The following SUSD1 variants were observed in gnomAD, a reference collection of about 807,000 sequenced individuals.
SUSD1 encodes sushi domain containing 1.
In SUSD1, 65 loss-of-function variants were observed where a neutral mutation model predicts 86.9. The ratio of observed to expected loss-of-function variants is 0.75; its 90% CI spans 0.61 to 0.92. The LOEUF is 0.92. Among genes scored for constraint, SUSD1 ranks in the 40% least tolerant of loss-of-function variants. The probability of loss-of-function intolerance (pLI) is 0.00; values close to 1 mark genes in which losing one functional copy is unlikely to be tolerated. For synonymous variants in SUSD1, 346 were observed against 350.0 expected, an observed-to-expected ratio of 0.99 and a Z score of 0.13; for missense variants, 850 against 929.7, an observed-to-expected ratio of 0.91 and a Z score of 1.11.
At chr9:112,160,039 A>G (rs535180624) in intron 1 of SUSD1, among the ~76,000 whole-genome samples, 2 of 152,214 alleles carry the variant, frequency 1.3e-5, no homozygotes, top group Admixed American at 6.5e-5. Context: ...AAAGAAAAAA[A>G]AAAGAAAACA....
chr9:112,048,185 T>C (rs1828036536), intron 15 of SUSD1, among the ~76,000 whole-genome samples: 1 of 152,166 alleles, frequency 6.6e-6, no homozygotes, highest in African/African-American at 2.4e-5. Flanking sequence ...TGTGATTAGG[T>C]CAAGCCTATC....
At chr9:112,138,368 C>T (rs954699316) in intron 5 of SUSD1, among the ~76,000 whole-genome samples, 2 of 145,846 alleles carry the variant, frequency 1.4e-5, no homozygotes, top group African/African-American at 5.1e-5. Context: ...CTAAGCTTAT[C>T]TGTATATAGG....
intron 1 of SUSD1, among the ~76,000 whole-genome samples, chr9:112,158,534 G>A (rs1833436228): frequency 6.6e-6 from 1 of 152,028 alleles, no homozygotes; most frequent in Admixed American, 6.6e-5. Flanking sequence ...TGGGACTACA[G>A]GCGCACACCA....
intron 13 of SUSD1, among the ~76,000 whole-genome samples, chr9:112,060,000 G>A (rs538499742): frequency 6.8e-5 from 10 of 146,332 alleles, no homozygotes; most frequent in African/African-American, 2.3e-4. Context: ...TTGAAATTTC[G>A]GAAAAGAGGA....
At chr9:112,053,589 G>T (rs540099630) in intron 14 of SUSD1, among the ~76,000 whole-genome samples, 60 of 150,816 alleles carry the variant, frequency 4.0e-4, no homozygotes, top group African/African-American at 1.4e-3. Context: ...ACTAACATTT[G>T]CTTTGATGCT....
chr9:112,049,388 C>T (rs1461981212), intron 15 of SUSD1, among the ~76,000 whole-genome samples: 1 of 152,142 alleles, frequency 6.6e-6, no homozygotes, highest in African/African-American at 2.4e-5. Context: ...TCTCAGAGAT[C>T]CCAGAGAGAG....
intron 12 of SUSD1, among the ~76,000 whole-genome samples, chr9:112,063,355 GA>G (rs1018260872): frequency 6.6e-6 from 1 of 152,186 alleles, no homozygotes; most frequent in Non-Finnish European, 1.5e-5. Context: ...TTGGGGTGAT[GA>G]AAAAATTTTG....
intron 8 of SUSD1, among the ~76,000 whole-genome samples, chr9:112,104,391 CTAATAATAATAATAG>C (rs1025335585): frequency 6.6e-6 from 1 of 151,660 alleles, no homozygotes; most frequent in African/African-American, 2.4e-5. Context: ...ATTGCTACTG[CTAATAATAATAATAG>C]TAATAATAAT....
At chr9:112,065,778 C>G (rs1209097913) in intron 12 of SUSD1, among the ~76,000 whole-genome samples, 1 of 152,148 alleles carries the variant, frequency 6.6e-6, no homozygotes, top group Non-Finnish European at 1.5e-5. Context: ...GTAGAAACAA[C>G]CTCTACCTGT....
intron 6 of SUSD1, among the ~76,000 whole-genome samples, chr9:112,121,748 G>A (rs1831564294): frequency 6.6e-6 from 1 of 152,220 alleles, no homozygotes; most frequent in Admixed American, 6.5e-5. Flanking sequence ...TCAGAGACCT[G>A]TCTTCAGAGC....
chr9:112,118,830 A>G (rs1300547060), intron 6 of SUSD1, among the ~76,000 whole-genome samples: 1 of 152,224 alleles, frequency 6.6e-6, no homozygotes, highest in Non-Finnish European at 1.5e-5. Context: ...TTTTGTGTAT[A>G]TCAGAAAAAT....
chr9:112,074,363 CAAT>C (rs1165078724), intron 12 of SUSD1, among the ~76,000 whole-genome samples: 1 of 152,186 alleles, frequency 6.6e-6, no homozygotes, highest in Non-Finnish European at 1.5e-5. Flanking sequence ...GAATTCAGTT[CAAT>C]GTGCCGTCTG....
intron 10 of SUSD1, among the ~76,000 whole-genome samples, chr9:112,095,501 G>C (rs913148126): frequency 1.3e-5 from 2 of 152,190 alleles, no homozygotes; most frequent in Non-Finnish European, 2.9e-5. Flanking sequence ...AGAAGGTAGG[G>C]CTTGGGCGAA....
At chr9:112,080,814 C>T (rs1829736320) in intron 10 of SUSD1, among the ~76,000 whole-genome samples, 1 of 151,944 alleles carries the variant, frequency 6.6e-6, no homozygotes, top group Non-Finnish European at 1.5e-5. Flanking sequence ...CTCATTTATA[C>T]AAATAAGTGT....
chr9:112,135,198 T>C (rs1384219359), intron 5 of SUSD1, among the ~76,000 whole-genome samples: 1 of 152,254 alleles, frequency 6.6e-6, no homozygotes, highest in Non-Finnish European at 1.5e-5. Context: ...AAAAGTCTAC[T>C]TGCTCTTAAG....
Position 112,149,116 on chromosome 9 carries a change from C to A in SUSD1, c.373+128G>T, listed in dbSNP as rs552859375. The A allele has an allele frequency of 1.3e-5, 17 of 1,290,428 alleles. No individual in the cohort carries two copies. The South Asian group carries it at 2.4e-4, about 18-fold the overall frequency. The allele number at this position is 1,290,428 out of a possible 1,614,324, so 79.9% of individuals were successfully genotyped here. A position where few individuals can be genotyped will look rare whatever the true frequency, so the allele number is the denominator to read the frequency against. On this transcript the variant is annotated intron_variant, in intron 3 of 16. Transcript: ENST00000374270. ...CATCTCCCAAAATAAGAATATTATC[C>A]TATATACCACAATACCATTATGCCA...
intron 4 of SUSD1, among the ~76,000 whole-genome samples, chr9:112,143,174 T>C (rs923797326): frequency 1.3e-5 from 2 of 151,234 alleles, no homozygotes; most frequent in Non-Finnish European, 3.0e-5. Flanking sequence ...TTAGTAGAGA[T>C]AGGGTTTCAC....
At chr9:112,103,718 A>G (rs891643084) in intron 8 of SUSD1, among the ~76,000 whole-genome samples, 1 of 152,230 alleles carries the variant, frequency 6.6e-6, no homozygotes, top group African/African-American at 2.4e-5. Flanking sequence ...GTTGCCATAC[A>G]CAAGGCGGAA....
In SUSD1 at chr9:112,098,666, T is replaced by A; in HGVS notation, c.1282-4A>T. 6.2e-7 allele frequency: 1 copy of A among 1,614,032 alleles called. No individual in the cohort carries two copies. ...ACCTCTGACCCAGAACGGTAAACTG[T>A]CATGAGATTAAAAGAAAGTGTTACA... On this transcript the variant is annotated splice_polypyrimidine_tract_variant and splice_region_variant and intron_variant, in intron 9 of 16. Coordinates refer to ENST00000374270, the MANE Select transcript of SUSD1 (RefSeq NM_022486.5).
Sources: gnomAD v4.1 joint callset for allele counts (sites outside exome capture counted in the v4.1 genomes callset) on GRCh38, gnomAD v4.1.1 for gene constraint, MANE v1.5 for transcripts, NCBI Gene and HGNC (gene_info 2026-07-23, HGNC 2026-07-21) for gene names.